Variants in TENM3 observed in about 807,000 individuals in gnomAD.
TENM3 encodes teneurin-3.
TENM3 carries 63 observed loss-of-function variants against 255.1 expected under a neutral mutation model. The observed-to-expected ratio is 0.25, with a 90% CI of 0.20 to 0.30. The LOEUF is 0.30. Among genes scored for constraint, TENM3 ranks in the 10% least tolerant of loss-of-function variants. The pLI is 1.00. For missense variants in TENM3, 2,929 were observed against 3,461.1 expected, an observed-to-expected ratio of 0.85 and a Z score of 3.86; for synonymous variants, 1,306 against 1,322.3, an observed-to-expected ratio of 0.99 and a Z score of 0.27.
At chr4:181,694,931 A>G in the TENM3 span, among the ~76,000 whole-genome samples, 1 of 152,138 alleles carries the variant, frequency 6.6e-6, no homozygotes, top group Non-Finnish European at 1.5e-5. Flanking sequence ...TTCAAAGGCA[A>G]ACTACTTCAA....
At chr4:182,068,958 G>C in the TENM3 span, among the ~76,000 whole-genome samples, 13 of 152,002 alleles carry the variant, frequency 8.6e-5, no homozygotes, top group African/African-American at 1.4e-4. Context: ...TTAGATTTTA[G>C]AGAAGCTTCC....
chr4:182,557,601 A>G (rs1006983975), intron 3 of TENM3, among the ~76,000 whole-genome samples: 1 of 152,102 alleles, frequency 6.6e-6, no homozygotes, highest in Non-Finnish European at 1.5e-5. Flanking sequence ...TGCTCTGTTG[A>G]TTGAATCTAC....
At chr4:181,543,734 G>C in the TENM3 span, among the ~76,000 whole-genome samples, 1 of 152,178 alleles carries the variant, frequency 6.6e-6, no homozygotes, top group Non-Finnish European at 1.5e-5. Flanking sequence ...AAATTATTTT[G>C]TAAGGTAGTT....
In TENM3 at chr4:182,387,442, G is replaced by A. The variant is rs748344202; in HGVS notation, c.511+40513G>A. On this transcript the variant is annotated intron_variant, in intron 3 of 27. Coordinates refer to ENST00000511685, the MANE Select transcript of TENM3 (RefSeq NM_001080477.4). ...ACCAATCAGCGCCCTGACAAAATAG[G>A]CCACTCGGCTCTACCAATCAGCAGG... Among the ~76,000 whole-genome samples, 53 of 152,142 alleles carry A rather than the reference G, an allele frequency of 3.5e-4. 1 individual carries two copies. The highest frequency in any genetic ancestry group is 1.9e-4 in the Non-Finnish European group (13 of 68,032).
At chr4:182,129,287 C>T in the TENM3 span, among the ~76,000 whole-genome samples, 1 of 152,070 alleles carries the variant, frequency 6.6e-6, no homozygotes. Context: ...ATAATACATA[C>T]ATGGAAATCT....
At chr4:182,609,752 A>T (rs889921748) in intron 4 of TENM3, among the ~76,000 whole-genome samples, 3 of 152,228 alleles carry the variant, frequency 2.0e-5, no homozygotes, top group African/African-American at 4.8e-5. Flanking sequence ...AACCTTGGTC[A>T]GGGTAATTAC....
the TENM3 span, chr4:181,522,812 T>C: frequency 1.1e-6 from 1 of 879,654 alleles, no homozygotes; most frequent in African/African-American, 1.6e-5. Context: ...TAATTTATTA[T>C]GTTGATAGAA....
rs556322784 is a variant in TENM3 at position 182,335,355 on chromosome 4, C to T, written c.232+11103C>T. ...CTAAAAATACAAAAAATTAGCCGGG[C>T]GCGGTGGCAGGCGCCTGTAGTCCCA... is the stretch of plus-strand genomic sequence containing the variant. On this transcript the variant is annotated intron_variant, in intron 2 of 27. Transcript: ENST00000511685. Among the ~76,000 whole-genome samples, 298 of 142,650 alleles carry T rather than the reference C, an allele frequency of 2.1e-3. 3 individuals carry two copies. The highest frequency in any genetic ancestry group is 2.3e-3 in the Non-Finnish European group (148 of 65,244). 93.6% of individuals were successfully genotyped at this position (142,650 alleles called of 152,430 possible).
the TENM3 span, among the ~76,000 whole-genome samples, chr4:181,665,070 T>A: frequency 6.6e-6 from 1 of 152,148 alleles, no homozygotes; most frequent in Non-Finnish European, 1.5e-5. Context: ...AGAAATAGGC[T>A]CAGATAGATG....
chr4:181,909,364 A>G, the TENM3 span, among the ~76,000 whole-genome samples: 1 of 152,218 alleles, frequency 6.6e-6, no homozygotes, highest in Non-Finnish European at 1.5e-5. Context: ...TCTATTCCCC[A>G]CATCTTGACC....
chr4:181,622,063 A>T, the TENM3 span, among the ~76,000 whole-genome samples: 2 of 152,302 alleles, frequency 1.3e-5, no homozygotes, highest in Admixed American at 1.3e-4. Context: ...AGCTCCTCTG[A>T]TGTAAACTTT....
chr4:182,440,219 T>C (rs1772364326), intron 3 of TENM3, among the ~76,000 whole-genome samples: 1 of 151,266 alleles, frequency 6.6e-6, no homozygotes, highest in African/African-American at 2.4e-5. Context: ...TTCAAGCGAT[T>C]CTCTGCCTCA....
the TENM3 span, among the ~76,000 whole-genome samples, chr4:181,978,361 A>C: frequency 1.3e-5 from 2 of 152,112 alleles, no homozygotes; most frequent in Admixed American, 6.6e-5. Context: ...TTAAAGAGCA[A>C]AAGGGGGCTG....
At chr4:182,607,617 C>G (rs1463813525) in intron 4 of TENM3, among the ~76,000 whole-genome samples, 1 of 152,076 alleles carries the variant, frequency 6.6e-6, no homozygotes, top group African/African-American at 2.4e-5. Flanking sequence ...GCTTTAGAGT[C>G]TTTTGTGCAT....
intron 1 of TENM3, among the ~76,000 whole-genome samples, chr4:182,182,318 A>G (rs1409662966): frequency 2.0e-5 from 3 of 152,266 alleles, no homozygotes; most frequent in Middle Eastern, 3.4e-3. Flanking sequence ...GTTAATATCT[A>G]CTGGTCAGTT....
the TENM3 span, among the ~76,000 whole-genome samples, chr4:182,100,828 T>C: frequency 1.3e-4 from 1 of 7,730 alleles, no homozygotes; most frequent in African/African-American, 2.9e-4. Flanking sequence ...TACACATATA[T>C]ATATATATAT....
intron 3 of TENM3, among the ~76,000 whole-genome samples, chr4:182,409,175 C>A (rs1182049888): frequency 1.3e-5 from 2 of 152,152 alleles, no homozygotes; most frequent in African/African-American, 2.4e-5. Flanking sequence ...CCTTTCTGTC[C>A]AGGTGAAGGC....
chr4:181,793,197 C>T, the TENM3 span, among the ~76,000 whole-genome samples: 1 of 152,110 alleles, frequency 6.6e-6, no homozygotes, highest in Admixed American at 6.6e-5. Context: ...CAGGGCTGGC[C>T]GGCGATCCAG....
intron 3 of TENM3, among the ~76,000 whole-genome samples, chr4:182,516,321 T>A (rs940750968): frequency 6.6e-6 from 1 of 152,226 alleles, no homozygotes; most frequent in African/African-American, 2.4e-5. Context: ...CGAAATCCTT[T>A]AAAAAGTTAA....
Sources: gnomAD v4.1 joint callset for allele counts (sites outside exome capture counted in the v4.1 genomes callset) on GRCh38, gnomAD v4.1.1 for gene constraint, MANE v1.5 for transcripts, NCBI Gene and HGNC (gene_info 2026-07-23, HGNC 2026-07-21) for gene names.